The following NEO1 variants were observed in gnomAD, a reference collection of about 807,000 sequenced individuals.
The protein encoded by NEO1 is neogenin 1, also known as neogenin.
In NEO1, 63 loss-of-function variants were observed where a neutral mutation model predicts 159.7. The observed-to-expected ratio is 0.39, with a 90% confidence interval of 0.32 to 0.49. NEO1 has a LOEUF of 0.49. Ranked by LOEUF, NEO1 falls within the 20% of genes least tolerant of loss-of-function variation. NEO1 has a pLI of 0.85. For synonymous variants in NEO1, 633 were observed against 662.0 expected, an observed-to-expected ratio of 0.96 and a Z score of 0.67; for missense variants, 1,615 against 1,831.0, an observed-to-expected ratio of 0.88 and a Z score of 2.15.
intron 8 of NEO1, among the ~76,000 whole-genome samples, chr15:73,237,705 G>C (rs1024931962): frequency 2.0e-5 from 3 of 152,018 alleles, no homozygotes; most frequent in African/African-American, 7.3e-5. Context: ...AGTTTTACAA[G>C]GGTAGAGAAA....
chr15:73,125,483 C>T (rs762815967), intron 3 of NEO1, among the ~76,000 whole-genome samples: 5 of 152,184 alleles, frequency 3.3e-5, no homozygotes, highest in Non-Finnish European at 5.9e-5. Context: ...ACCATGGCTA[C>T]AAGACTGTCA....
At chr15:73,181,613 T>G in intron 7 of NEO1, among the ~76,000 whole-genome samples, 1 of 151,712 alleles carries the variant, frequency 6.6e-6, no homozygotes, top group Non-Finnish European at 1.5e-5. Context: ...AGGACCAGGA[T>G]CAGGAGAGTG....
chr15:73,113,832 G>A (rs976627195), intron 1 of NEO1, among the ~76,000 whole-genome samples: 7 of 151,874 alleles, frequency 4.6e-5, no homozygotes, highest in Non-Finnish European at 1.0e-4. Flanking sequence ...CAGTTTGCAT[G>A]TATTATTTTT....
chr15:73,278,252 G>T, intron 22 of NEO1, 53 bp downstream of exon 22: 1 of 1,549,792 alleles, frequency 6.5e-7, no homozygotes, highest in Middle Eastern at 1.7e-4. Context: ...AAGCACTTTT[G>T]CTTAAATTTT....
In NEO1 at chr15:73,162,908, T is replaced by G. The variant is rs2034292729; in HGVS notation, c.1016-13495T>G. On this transcript the variant is annotated intron_variant, in intron 5 of 28. Coordinates refer to ENST00000261908, the MANE Select transcript of NEO1 (RefSeq NM_002499.4). Reference sequence around the variant, plus strand: ...GGTCCTCAGGCCTCAGGGGCTCATGTTCATGTCCATTGAATCTTCCATGGG... The same window carrying G: ...GGTCCTCAGGCCTCAGGGGCTCATGGTCATGTCCATTGAATCTTCCATGGG... 7 of 184,778 alleles carry G rather than the reference T, an allele frequency of 3.8e-5. No homozygotes were observed. The South Asian group carries it at 9.0e-4, about 24-fold the overall frequency. The allele number at this position is 184,778 out of a possible 1,614,324, so 11.4% of individuals were successfully genotyped here. A position where few individuals can be genotyped will look rare whatever the true frequency, so the allele number is the denominator to read the frequency against.
chr15:73,091,475 G>A (rs1567172696), intron 1 of NEO1, among the ~76,000 whole-genome samples: 2 of 152,154 alleles, frequency 1.3e-5, no homozygotes, highest in East Asian at 3.9e-4. Context: ...ATAAAAATTA[G>A]CAGTGAGCTC....
chr15:73,067,260 G>A (rs2068266898), intron 1 of NEO1, among the ~76,000 whole-genome samples: 1 of 152,012 alleles, frequency 6.6e-6, no homozygotes, highest in African/African-American at 2.4e-5. Flanking sequence ...TCTGCAGTTG[G>A]GAATTCTAAT....
intron 7 of NEO1, among the ~76,000 whole-genome samples, chr15:73,210,017 AAGT>A: frequency 6.6e-6 from 1 of 152,196 alleles, no homozygotes; most frequent in Middle Eastern, 3.4e-3. Flanking sequence ...AAACGAAAAA[AAGT>A]AGCCTATGTC....
intron 21 of NEO1, among the ~76,000 whole-genome samples, chr15:73,277,352 T>A (rs903036380): frequency 1.3e-5 from 2 of 152,212 alleles, no homozygotes; most frequent in African/African-American, 4.8e-5. Flanking sequence ...CCTATAAATG[T>A]GAAGAGCAAA....
At chr15:73,098,360 A>G (rs2070202722) in intron 1 of NEO1, among the ~76,000 whole-genome samples, 2 of 152,228 alleles carry the variant, frequency 1.3e-5, no homozygotes, top group South Asian at 4.1e-4. Flanking sequence ...ATGTTTACAT[A>G]GCCTCAAAGT....
intron 1 of NEO1, among the ~76,000 whole-genome samples, chr15:73,090,620 CAATTCTTAACATAAAATTAT>C (rs1273685509): frequency 6.6e-6 from 1 of 152,110 alleles, no homozygotes; most frequent in African/African-American, 2.4e-5. Flanking sequence ...ACAACTATTA[CAATTCTTAACATAAAATTAT>C]AAGTATTATA....
intron 7 of NEO1, among the ~76,000 whole-genome samples, chr15:73,211,508 A>G (rs1342554047): frequency 6.6e-6 from 1 of 152,182 alleles, no homozygotes; most frequent in African/African-American, 2.4e-5. Flanking sequence ...GGAGGTCAAG[A>G]GATCAAGACC....
chr15:73,147,489 T>C (rs969390448), intron 5 of NEO1, among the ~76,000 whole-genome samples: 14 of 152,202 alleles, frequency 9.2e-5, no homozygotes, highest in African/African-American at 3.4e-4. Context: ...TCTTAGGCTT[T>C]CTCACCTAAG....
At chr15:73,212,438 A>C (rs1567496624) in intron 7 of NEO1, among the ~76,000 whole-genome samples, 1 of 152,188 alleles carries the variant, frequency 6.6e-6, no homozygotes, top group African/African-American at 2.4e-5. Context: ...ACAATCCAAA[A>C]TATCTCTCAG....
chr15:73,168,958 C>A (rs2034775088), intron 5 of NEO1, among the ~76,000 whole-genome samples: 1 of 151,792 alleles, frequency 6.6e-6, no homozygotes, highest in South Asian at 2.1e-4. Context: ...ATGAAATGGA[C>A]AAAATTGATT....
intron 1 of NEO1, among the ~76,000 whole-genome samples, chr15:73,097,973 A>C (rs2070171643): frequency 6.6e-6 from 1 of 151,940 alleles, no homozygotes; most frequent in East Asian, 1.9e-4. Context: ...TTGAAGGCTA[A>C]AAGATTATAC....
rs1408294204 is a variant in NEO1, at chr15:73,094,529, T to C, written c.131-22011T>C. Among the ~76,000 whole-genome samples the C allele has an allele frequency of 2.6e-5, 4 of 152,246 alleles. No individual in the cohort carries two copies. The East Asian group carries it at 7.7e-4, about 29-fold the overall frequency. ...CTATTATGAATAATGCTGCAATGTA[T>C]ATTCTATACAATAGCCTTTCTAAAG... On this transcript the variant is annotated intron_variant, in intron 1 of 28. Transcript: ENST00000261908.
At chr15:73,208,494 T>C (rs1221976965) in intron 7 of NEO1, among the ~76,000 whole-genome samples, 1 of 152,236 alleles carries the variant, frequency 6.6e-6, no homozygotes, top group Non-Finnish European at 1.5e-5. Context: ...AACTGTTCCT[T>C]ATTTTAAACT....
intron 7 of NEO1, 104 bp downstream of exon 7, chr15:73,178,531 A>C: frequency 8.3e-7 from 1 of 1,206,640 alleles, no homozygotes; most frequent in Non-Finnish European, 1.1e-6. Context: ...GTAAAGGCCA[A>C]TATGTGGCAT....
Sources: allele counts gnomAD v4.1 joint callset (sites outside exome capture counted in the v4.1 genomes callset), GRCh38; gene constraint gnomAD v4.1.1; transcripts MANE v1.5; gene names NCBI Gene and HGNC (gene_info 2026-07-23, HGNC 2026-07-21).